STK3: variants seen among roughly 807,000 people sequenced by gnomAD.
STK3 encodes the protein serine/threonine-protein kinase 3.
STK3 carries 41 observed loss-of-function variants against 58.0 expected under a neutral mutation model. The ratio of observed to expected loss-of-function variants is 0.71; its 90% CI spans 0.55 to 0.92. The LOEUF (loss-of-function observed/expected upper bound fraction) is 0.92, where lower values mean the gene tolerates loss of function less well. STK3 is among the 40% of genes least tolerant of loss of function. STK3 has a pLI of 0.00. For missense variants in STK3, 479 were observed against 602.7 expected (o/e 0.79, Z 2.15); for synonymous variants, 170 against 191.0 (o/e 0.89, Z 0.91).
At chr8:98,346,442 G>A in the STK3 span, among the ~76,000 whole-genome samples, 1 of 151,502 alleles carries the variant, frequency 6.6e-6, no homozygotes, top group Non-Finnish European at 1.5e-5. Context: ...CAAATTTAAT[G>A]AATACTATAA....
chr8:98,863,701 T>A (rs1345189660), intron 3 of STK3, among the ~76,000 whole-genome samples: 1 of 152,230 alleles, frequency 6.6e-6, no homozygotes, highest in East Asian at 1.9e-4. Flanking sequence ...TGGCAACATT[T>A]TGGGAAAGAA....
chr8:98,441,931 C>T (rs1335659739), intron 1 of STK3, among the ~76,000 whole-genome samples: 2 of 152,204 alleles, frequency 1.3e-5, no homozygotes, highest in African/African-American at 4.8e-5. Flanking sequence ...ACCCATGTTT[C>T]CAGCTGCCCC....
intron 6 of STK3, among the ~76,000 whole-genome samples, chr8:98,612,499 G>A (rs955575313): frequency 1.4e-5 from 2 of 147,618 alleles, no homozygotes; most frequent in Admixed American, 6.7e-5. Flanking sequence ...ATATATATAT[G>A]AAAGATGGAG....
intron 6 of STK3, among the ~76,000 whole-genome samples, chr8:98,625,445 A>C (rs1381012307): frequency 6.6e-6 from 1 of 152,108 alleles, no homozygotes; most frequent in Admixed American, 6.5e-5. Flanking sequence ...CACCTCTACA[A>C]GCCCAAAAAC....
chr8:98,717,878 C>T (rs1274118914), intron 4 of STK3, among the ~76,000 whole-genome samples: 1 of 152,098 alleles, frequency 6.6e-6, no homozygotes, highest in East Asian at 1.9e-4. Flanking sequence ...AAAGGGAAGG[C>T]AATTCTGCAA....
chr8:98,705,479 C>T (rs1188196324), intron 6 of STK3, among the ~76,000 whole-genome samples: 1 of 151,490 alleles, frequency 6.6e-6, no homozygotes, highest in Admixed American at 6.6e-5. Flanking sequence ...TAAATATTTT[C>T]TGTATAATAC....
intron 6 of STK3, among the ~76,000 whole-genome samples, chr8:98,607,474 T>C (rs1159062459): frequency 5.3e-5 from 8 of 152,368 alleles, no homozygotes; most frequent in Non-Finnish European, 1.2e-4. Flanking sequence ...TTTTTTTGAA[T>C]CTGTGAATTC....
intron 6 of STK3, among the ~76,000 whole-genome samples, chr8:98,660,075 G>T (rs562601142): frequency 6.6e-6 from 1 of 151,918 alleles, no homozygotes. Context: ...ACATATAATT[G>T]AATATTATTT....
At chr8:98,890,378 G>A (rs189888412) in intron 1 of STK3, among the ~76,000 whole-genome samples, 86 of 152,272 alleles carry the variant, frequency 5.6e-4, no homozygotes, top group African/African-American at 1.3e-3. Flanking sequence ...GTCAAAATGG[G>A]ACAGCTGACA....
rs982925097 is a variant in STK3, at chr8:98,864,040, CA to C, written c.110+19606del. 6.0e-5 allele frequency among the ~76,000 whole-genome samples: 9 copies of C among 149,844 alleles called. No homozygotes were observed. In the East Asian group the frequency reaches 1.2e-3, roughly 20 times the overall value. On this transcript the variant is annotated intron_variant, in intron 3 of 12. Transcript: ENST00000523601. ...TGAAACCCCGTCTCTACTAAAAATACAAAAAAAAATTAGCCGGGTGTGGTGG... is the reference window on the plus strand; with the variant it reads ...TGAAACCCCGTCTCTACTAAAAATACAAAAAAAATTAGCCGGGTGTGGTGG...
At chr8:98,364,629 C>T in the STK3 span, among the ~76,000 whole-genome samples, 1 of 152,230 alleles carries the variant, frequency 6.6e-6, no homozygotes. Context: ...GACTTGGATT[C>T]CTTTAGCTCT....
intron 10 of STK3, among the ~76,000 whole-genome samples, chr8:98,458,247 G>C (rs1427436682): frequency 6.6e-6 from 1 of 152,056 alleles, no homozygotes; most frequent in Non-Finnish European, 1.5e-5. Context: ...GAAATGCACT[G>C]AATCTGTAGA....
intron 6 of STK3, among the ~76,000 whole-genome samples, chr8:98,652,302 G>C (rs1042998123): frequency 6.6e-6 from 1 of 152,040 alleles, no homozygotes. Context: ...GTCACCACCA[G>C]GCCTGCCCTA....
chr8:98,864,071 T>C (rs995041301), intron 3 of STK3, among the ~76,000 whole-genome samples: 13 of 151,236 alleles, frequency 8.6e-5, no homozygotes, highest in African/African-American at 1.9e-4. Flanking sequence ...TGGTGGCGGG[T>C]GCCTGTAGTC....
chr8:98,593,935 C>T (rs1309596934), intron 7 of STK3, among the ~76,000 whole-genome samples: 1 of 152,114 alleles, frequency 6.6e-6, no homozygotes, highest in Non-Finnish European at 1.5e-5. Flanking sequence ...AGGTTAAATA[C>T]ACACATATTA....
intron 6 of STK3, among the ~76,000 whole-genome samples, chr8:98,662,907 A>C (rs1000130925): frequency 6.6e-6 from 1 of 152,116 alleles, no homozygotes; most frequent in Non-Finnish European, 1.5e-5. Context: ...TAAATGTTAG[A>C]CCTAAAACCA....
intron 3 of STK3, among the ~76,000 whole-genome samples, chr8:98,757,045 G>C (rs536581135): frequency 6.9e-6 from 1 of 145,858 alleles, no homozygotes; most frequent in Admixed American, 7.2e-5. Context: ...CCTCCTAACT[G>C]ACTCTGGTAC....
downstream of STK3, among the ~76,000 whole-genome samples, chr8:98,370,378 T>TGTGG (rs1390117913): frequency 1.3e-5 from 2 of 151,588 alleles, no homozygotes; most frequent in Non-Finnish European, 2.9e-5. Context: ...TGTGTGTGTG[T>TGTGG]GTGTGTATCC....
At chr8:98,786,844 A>G (rs1832488384) in intron 1 of STK3, among the ~76,000 whole-genome samples, 1 of 152,140 alleles carries the variant, frequency 6.6e-6, no homozygotes, top group Non-Finnish European at 1.5e-5. Context: ...ATAACATACA[A>G]AATGAACATC....
Sources: gnomAD v4.1 joint callset for allele counts (sites outside exome capture counted in the v4.1 genomes callset) on GRCh38, gnomAD v4.1.1 for gene constraint, MANE v1.5 for transcripts, NCBI Gene and HGNC (gene_info 2026-07-23, HGNC 2026-07-21) for gene names.